DLG1: variants seen among roughly 807,000 people sequenced by gnomAD.
DLG1 encodes the protein discs large MAGUK scaffold protein 1, also known as disks large homolog 1.
Under a neutral mutation model 123.4 loss-of-function variants are expected in DLG1, and 42 were observed. The observed-to-expected ratio is 0.34, with a 90% confidence interval of 0.27 to 0.44. The LOEUF (loss-of-function observed/expected upper bound fraction) is 0.44, where lower values mean the gene tolerates loss of function less well. DLG1 is among the 20% of genes least tolerant of loss of function. The probability of loss-of-function intolerance (pLI) is 1.00; values close to 1 mark genes in which losing one functional copy is unlikely to be tolerated. For synonymous variants in DLG1, 317 were observed against 356.2 expected (o/e 0.89, Z 1.24); for missense variants, 942 against 1,082.6 (o/e 0.87, Z 1.82).
At chr3:197,055,693 G>A (rs1731198419) in intron 23 of DLG1, among the ~76,000 whole-genome samples, 1 of 152,114 alleles carries the variant, frequency 6.6e-6, no homozygotes, top group South Asian at 2.1e-4. Flanking sequence ...GAAAAAAGGT[G>A]TGTGTGTGTG....
At chr3:197,089,024 G>T (rs1160939402) in intron 15 of DLG1, among the ~76,000 whole-genome samples, 2 of 152,290 alleles carry the variant, frequency 1.3e-5, no homozygotes, top group South Asian at 2.1e-4. Flanking sequence ...TACCATGGTT[G>T]TAAGACTAAT....
At chr3:197,298,820 T>C (rs1414823955), upstream of DLG1, among the ~76,000 whole-genome samples, 2 of 152,096 alleles carry the variant, frequency 1.3e-5, no homozygotes, top group Non-Finnish European at 2.9e-5. Context: ...GAAGGACATA[T>C]GAAATAGAGA....
intron 5 of DLG1, chr3:197,161,784 A>C: frequency 8.4e-7 from 1 of 1,188,552 alleles, no homozygotes; most frequent in Non-Finnish European, 1.2e-6. Context: ...ACCAAAATAA[A>C]AGGGAAACAC....
intron 13 of DLG1, among the ~76,000 whole-genome samples, chr3:197,114,957 C>T (rs982218148): frequency 1.4e-5 from 2 of 138,848 alleles, no homozygotes; most frequent in Admixed American, 7.9e-5. Context: ...TCCATCCAGC[C>T]TGGGCAACAG....
chr3:197,169,010 T>C (rs1431632932), intron 5 of DLG1, among the ~76,000 whole-genome samples: 1 of 152,264 alleles, frequency 6.6e-6, no homozygotes, highest in African/African-American at 2.4e-5. Context: ...AACAAATGTT[T>C]AAAGTGATTT....
chr3:197,266,510 G>A (rs1351106184), intron 4 of DLG1, among the ~76,000 whole-genome samples: 1 of 152,086 alleles, frequency 6.6e-6, no homozygotes, highest in Non-Finnish European at 1.5e-5. Context: ...TACTTGGGGA[G>A]GCTGAGGCAG....
intron 4 of DLG1, among the ~76,000 whole-genome samples, chr3:197,254,247 T>A: frequency 6.6e-6 from 1 of 152,172 alleles, no homozygotes; most frequent in East Asian, 1.9e-4. Flanking sequence ...AATGGGGCTA[T>A]AAAGCCATGA....
chr3:197,100,986 T>C (rs1763132347), intron 14 of DLG1, among the ~76,000 whole-genome samples: 1 of 152,206 alleles, frequency 6.6e-6, no homozygotes, highest in African/African-American at 2.4e-5. Context: ...CCCTCCTTCC[T>C]TTCCCTACTA....
intron 5 of DLG1, among the ~76,000 whole-genome samples, chr3:197,154,891 C>T (rs1249487038): frequency 2.0e-5 from 3 of 151,834 alleles, no homozygotes; most frequent in Admixed American, 2.0e-4. Context: ...GTCTGAAGAA[C>T]AGAAATAAAA....
intron 4 of DLG1, among the ~76,000 whole-genome samples, chr3:197,194,891 A>T (rs1212494908): frequency 1.3e-5 from 2 of 152,170 alleles, no homozygotes; most frequent in African/African-American, 4.8e-5. Context: ...TTATTTAAAT[A>T]AAGTCAATGG....
Position 197,076,589 on chromosome 3 carries a change from C to A in DLG1, c.2002G>T (p.Asp668Tyr). ...DQSEQETSDA[D>Y]QHVTSNASDS... Reference sequence around the variant, plus strand: ...ACCACTGGATCCACATACTTACGGTCAGCATCACTTGTTTCCTGCTCACTC... The same window carrying A: ...ACCACTGGATCCACATACTTACGGTAAGCATCACTTGTTTCCTGCTCACTC... Residue 668 changes from aspartate to tyrosine, a missense_variant, in exon 18 of 25, where the codon GAC (aspartate) becomes TAC (tyrosine). Asp to Tyr is a radical substitution (Grantham distance 160). Coordinates refer to ENST00000667157, the MANE Select transcript of DLG1 (RefSeq NM_001366207.1). 1 of 1,609,954 alleles carries A rather than the reference C, an allele frequency of 6.2e-7. No homozygotes were observed. The highest frequency in any genetic ancestry group is 1.1e-5 in the South Asian group (1 of 90,800).
At chr3:197,150,974 TTAAA>T (rs1401679212) in intron 5 of DLG1, among the ~76,000 whole-genome samples, 1 of 152,068 alleles carries the variant, frequency 6.6e-6, no homozygotes, top group African/African-American at 2.4e-5. Flanking sequence ...AGTCCCACCA[TTAAA>T]TAATAGTCTA....
chr3:197,233,034 AG>A (rs1223159314), intron 4 of DLG1, among the ~76,000 whole-genome samples: 1 of 152,226 alleles, frequency 6.6e-6, no homozygotes, highest in Non-Finnish European at 1.5e-5. Flanking sequence ...CTGACTGGAA[AG>A]GAAGAAGTAA....
At chr3:197,051,822 C>T (rs1376825851) in intron 23 of DLG1, among the ~76,000 whole-genome samples, 154 bp from the exon 24 acceptor site, 1 of 145,968 alleles carries the variant, frequency 6.9e-6, no homozygotes, top group East Asian at 2.1e-4. Flanking sequence ...TCATTCTGGT[C>T]ATTTCTGGGA....
Position 197,149,697 on chromosome 3 carries a change from C to T in DLG1, c.537+46G>A, listed in dbSNP as rs746876104. The T allele has an allele frequency of 4.0e-6, 5 of 1,245,562 alleles. No individual in the cohort carries two copies. The South Asian group carries it at 4.8e-5, about 12-fold the overall frequency. The allele number at this position is 1,245,562 out of a possible 1,614,324, so 77.2% of individuals were successfully genotyped here. On this transcript the variant is annotated intron_variant, in intron 6 of 24. Coordinates refer to ENST00000667157, the MANE Select transcript of DLG1 (RefSeq NM_001366207.1). Reference sequence around the variant, plus strand: ...TTCGCATTTGTATCAAAAAACGGAACAGGAAAGGCAGAATTACTTCAATGT... The same window carrying T: ...TTCGCATTTGTATCAAAAAACGGAATAGGAAAGGCAGAATTACTTCAATGT...
At chr3:197,291,920 C>T (rs1226708565) in intron 3 of DLG1, among the ~76,000 whole-genome samples, 8 of 152,142 alleles carry the variant, frequency 5.3e-5, no homozygotes, top group Non-Finnish European at 1.5e-5. Flanking sequence ...GAGTCATATA[C>T]TCACACTTAT....
At chr3:197,168,361 TAACA>T (rs1042043333) in intron 5 of DLG1, among the ~76,000 whole-genome samples, 3 of 152,198 alleles carry the variant, frequency 2.0e-5, no homozygotes, top group Non-Finnish European at 4.4e-5. Flanking sequence ...CCAATTCTGG[TAACA>T]AACAATTACA....
intron 11 of DLG1, among the ~76,000 whole-genome samples, chr3:197,120,269 G>GAA (rs1775588475): frequency 1.8e-5 from 1 of 55,618 alleles, no homozygotes; most frequent in Admixed American, 2.0e-4. Context: ...CCTGTCTCGA[G>GAA]AAAGAAAAAA....
intron 13 of DLG1, among the ~76,000 whole-genome samples, chr3:197,106,929 A>T (rs1371660829): frequency 6.6e-6 from 1 of 152,186 alleles, no homozygotes; most frequent in East Asian, 1.9e-4. Context: ...GGTTTTTGGT[A>T]TATTTGCAAG....
Sources: allele counts gnomAD v4.1 joint callset (sites outside exome capture counted in the v4.1 genomes callset), GRCh38; gene constraint gnomAD v4.1.1; transcripts MANE v1.5; gene names NCBI Gene and HGNC (gene_info 2026-07-23, HGNC 2026-07-21).